The following DHRS7 variants were observed in gnomAD, a reference collection of about 807,000 sequenced individuals.
DHRS7 encodes dehydrogenase/reductase 7.
A neutral mutation model predicts 38.9 loss-of-function variants in DHRS7; 34 were observed. The ratio of observed to expected loss-of-function variants is 0.87; its 90% CI spans 0.66 to 1.16. The LOEUF (loss-of-function observed/expected upper bound fraction) is 1.16. Among genes scored for constraint, DHRS7 ranks in the 50% most tolerant of loss-of-function variants. The pLI, the probability that DHRS7 is intolerant of heterozygous loss-of-function variation, is 0.00. For missense variants in DHRS7, 421 were observed against 407.0 expected (o/e 1.03, Z -0.30); for synonymous variants, 158 against 153.1 (o/e 1.03, Z -0.24).
chr14:60,145,041 C>G lies in DHRS7; in HGVS notation c.973-28G>C, dbSNP rs1326968006. On this transcript the variant is annotated intron_variant, in intron 6 of 6. Coordinates refer to ENST00000557185, the MANE Select transcript of DHRS7 (RefSeq NM_016029.4). This position sits in a 1 kb window ranked among gnomAD's most constrained non-coding sequence, Gnocchi z 4.0. The stretch of plus-strand genomic sequence containing the variant: ...GTAAAAGAGGGACAGAAACATGGAT[C>G]AGTACCTACTCCTATTTACTCCAGT... The G allele has an allele frequency of 6.5e-7, 1 of 1,532,348 alleles. No homozygotes were observed. The highest frequency in any genetic ancestry group is 2.0e-5 in the Admixed American group (1 of 50,318). 94.9% of individuals were successfully genotyped at this position (1,532,348 alleles called of 1,614,324 possible). A position where few individuals can be genotyped will look rare whatever the true frequency, so the allele number is the denominator to read the frequency against.
At chr14:60,155,659 A>G (rs1420693168) in intron 2 of DHRS7, among the ~76,000 whole-genome samples, 3 of 152,196 alleles carry the variant, frequency 2.0e-5, no homozygotes, top group African/African-American at 4.8e-5. Context: ...CCTAATTTCT[A>G]TGATCAGATA....
upstream of DHRS7, chr14:60,165,742 C>T: frequency 1.1e-6 from 1 of 933,742 alleles, no homozygotes; most frequent in Non-Finnish European, 1.3e-6. This position sits in a 1 kb window ranked among gnomAD's most constrained non-coding sequence, Gnocchi z 4.6. Flanking sequence ...ATCATTCTTG[C>T]TTGGCCCCTC....
Position 60,150,194 on chromosome 14 carries a change from G to GAT in DHRS7, c.634-8_634-7insAT. 1 of 1,119,770 alleles carries GAT rather than the reference G, an allele frequency of 8.9e-7. No individual in the cohort carries two copies. The highest frequency in any genetic ancestry group is 2.0e-5 in the African/African-American group (1 of 50,428). 69.4% of individuals were successfully genotyped at this position (1,119,770 alleles called of 1,614,324 possible). On this transcript the variant is annotated splice_polypyrimidine_tract_variant and splice_region_variant and intron_variant, in intron 4 of 6. Coordinates refer to ENST00000557185, the MANE Select transcript of DHRS7 (RefSeq NM_016029.4). The stretch of plus-strand genomic sequence containing the variant: ...GAAGGCCATTAAAAAAACCCTAACA[G>GAT]ACAAAAAAAAAAAAAAAGGAAAAAG...
intron 4 of DHRS7, among the ~76,000 whole-genome samples, chr14:60,152,150 CA>C (rs1165318266): frequency 6.6e-6 from 1 of 152,210 alleles, no homozygotes; most frequent in African/African-American, 2.4e-5. Flanking sequence ...ATGATTCCAA[CA>C]GTGAAACATT....
At chr14:60,159,758 T>C (rs534809029) in intron 1 of DHRS7, among the ~76,000 whole-genome samples, 1 of 152,284 alleles carries the variant, frequency 6.6e-6, no homozygotes, top group East Asian at 1.9e-4. Flanking sequence ...GCTTCTTCCT[T>C]CCTATCTCCC....
chr14:60,145,307 C>T lies in DHRS7; in HGVS notation c.973-294G>A. ...GACTTTTCTGGATCAGCATATCATA[C>T]CTACACTGACTTGCCCTAATAAATA... is the stretch of plus-strand genomic sequence containing the variant. On this transcript the variant is annotated intron_variant, in intron 6 of 6. Coordinates refer to ENST00000557185, the MANE Select transcript of DHRS7 (RefSeq NM_016029.4). This position sits in a 1 kb window ranked among gnomAD's most constrained non-coding sequence, Gnocchi z 4.0. 4.4e-6 allele frequency: 1 copy of T among 226,220 alleles called. No individual in the cohort carries two copies. The highest frequency in any genetic ancestry group is 5.6e-5 in the Admixed American group (1 of 17,910). 14.0% of individuals were successfully genotyped at this position (226,220 alleles called of 1,614,324 possible).
At position 60,161,131 on chromosome 14, in the gene DHRS7, C is replaced by G. The variant is rs576083159; in HGVS notation, c.133+4046G>C. On this transcript the variant is annotated intron_variant, in intron 1 of 6. Transcript: ENST00000557185. The surrounding 1 kb of genome is among the most constrained non-coding windows in gnomAD (Gnocchi z 4.2). ...ACTCCTCTGTTTACAGAGTTTTAGTCACTTTTAACAATTTTTTAAAATTCA... is the reference window on the plus strand; with the variant it reads ...ACTCCTCTGTTTACAGAGTTTTAGTGACTTTTAACAATTTTTTAAAATTCA... Among the ~76,000 whole-genome samples, 1 of 152,198 alleles carries G rather than the reference C, an allele frequency of 6.6e-6. No individual in the cohort carries two copies. The highest frequency in any genetic ancestry group is 2.1e-4 in the South Asian group (1 of 4,814).
chr14:60,168,842 C>T, upstream of DHRS7: 1 of 1,426,186 alleles, frequency 7.0e-7, no homozygotes, highest in Non-Finnish European at 9.4e-7. Flanking sequence ...TCTTCATAAA[C>T]CAAAGCATAA....
intron 5 of DHRS7, 46 bp downstream of exon 5, chr14:60,150,019 A>G (rs201306023): frequency 1.3e-6 from 2 of 1,580,294 alleles, no homozygotes; most frequent in African/African-American, 1.4e-5. Context: ...TAATGCCAAT[A>G]TATAACTAGT....
chr14:60,152,674 T>G (rs1387266739), intron 4 of DHRS7: 1 of 471,190 alleles, frequency 2.1e-6, no homozygotes, highest in African/African-American at 1.9e-5. Flanking sequence ...AGACCACATC[T>G]TATTATCTTT....
rs571041832 is a variant in DHRS7, at chr14:60,158,622, T to A, written c.134-2470A>T. Among the ~76,000 whole-genome samples the A allele has an allele frequency of 6.6e-5, 10 of 152,328 alleles. No individual in the cohort carries two copies. In the South Asian group the frequency reaches 1.0e-3, roughly 16 times the overall value. On this transcript the variant is annotated intron_variant, in intron 1 of 6. Transcript: ENST00000557185. ...TTCCTCCCACCCTGAAGAAACTTTT[T>A]TATTTAGCACCGTTTGTTTCCCGAT...
rs1041991680 is a variant in DHRS7 at position 60,161,004 on chromosome 14, T to G, written c.133+4173A>C. On this transcript the variant is annotated intron_variant, in intron 1 of 6. Coordinates refer to ENST00000557185, the MANE Select transcript of DHRS7 (RefSeq NM_016029.4). The surrounding 1 kb of genome is among the most constrained non-coding windows in gnomAD (Gnocchi z 4.2). ...TTTTGCAAAATTCCTTAAGAATGTATTAGTATCAGAACTGTGAAAAATGGG... is the reference window on the plus strand; with the variant it reads ...TTTTGCAAAATTCCTTAAGAATGTAGTAGTATCAGAACTGTGAAAAATGGG... Among the ~76,000 whole-genome samples, 4 of 152,192 alleles carry G rather than the reference T, an allele frequency of 2.6e-5. No individual in the cohort carries two copies. The highest frequency in any genetic ancestry group is 9.7e-5 in the African/African-American group (4 of 41,444).
chr14:60,161,018 G>A lies in DHRS7; in HGVS notation c.133+4159C>T, dbSNP rs1896755200. ...TTAAGAATGTATTAGTATCAGAACT[G>A]TGAAAAATGGGAGTTTCAGATGTAC... is the stretch of plus-strand genomic sequence containing the variant. On this transcript the variant is annotated intron_variant, in intron 1 of 6. Coordinates refer to ENST00000557185, the MANE Select transcript of DHRS7 (RefSeq NM_016029.4). This position sits in a 1 kb window ranked among gnomAD's most constrained non-coding sequence, Gnocchi z 4.2. Among the ~76,000 whole-genome samples the A allele has an allele frequency of 6.6e-6, 1 of 152,170 alleles. No homozygotes were observed. Among genetic ancestry groups the A allele is most frequent in the Non-Finnish European group, 1.5e-5 (1 of 68,034 alleles).
chr14:60,160,354 T>A (rs552556988), intron 1 of DHRS7, among the ~76,000 whole-genome samples: 4 of 151,456 alleles, frequency 2.6e-5, no homozygotes, highest in African/African-American at 9.7e-5. Flanking sequence ...TTTTTTTTTT[T>A]TTTTTTTACA....
upstream of DHRS7, among the ~76,000 whole-genome samples, chr14:60,168,276 G>A (rs991088970): frequency 2.6e-5 from 4 of 152,134 alleles, no homozygotes; most frequent in African/African-American, 9.7e-5. Flanking sequence ...TTAAACATAA[G>A]CAGTTTATAG....
Position 60,153,229 on chromosome 14 carries a change from G to C in DHRS7, c.394-51C>G, listed in dbSNP as rs866970511. ...GTGTTTGGGGGATGTCTTGTGGATA[G>C]ATTGATGGAATTCCTATGGATGGTT... On this transcript the variant is annotated intron_variant, in intron 3 of 6. Transcript: ENST00000557185. This position sits in a 1 kb window ranked among gnomAD's most constrained non-coding sequence, Gnocchi z 4.4. 2 of 1,598,824 alleles carry C rather than the reference G, an allele frequency of 1.3e-6. No homozygotes were observed. Among genetic ancestry groups the C allele is most frequent in the Middle Eastern group, 1.7e-4 (1 of 6,030 alleles).
rs1158019287 is a variant in DHRS7 at position 60,144,897 on chromosome 14, A to G, written c.*69T>C. The G allele has an allele frequency of 2.4e-6, 3 of 1,276,372 alleles. No individual in the cohort carries two copies. Among genetic ancestry groups the G allele is most frequent in the African/African-American group, 1.5e-5 (1 of 66,292 alleles). 79.1% of individuals were successfully genotyped at this position (1,276,372 alleles called of 1,614,324 possible). The stretch of plus-strand genomic sequence containing the variant: ...AATTAGTCTTTGATTATTCAGAAGC[A>G]TAAGAAGATTGCTGTTTTCATGTTT... On this transcript the variant is annotated 3_prime_UTR_variant, in exon 7 of 7. Coordinates refer to ENST00000557185, the MANE Select transcript of DHRS7 (RefSeq NM_016029.4).
rs751357225 is a variant in DHRS7, at chr14:60,165,350, C to G, written c.-41G>C. On this transcript the variant is annotated 5_prime_UTR_variant, in exon 1 of 7. Coordinates refer to ENST00000557185, the MANE Select transcript of DHRS7 (RefSeq NM_016029.4). This position sits in a 1 kb window ranked among gnomAD's most constrained non-coding sequence, Gnocchi z 4.6. Reference sequence around the variant, plus strand: ...CCAGCTCGGGGGGAAGAAGACGGCCCGCACCAGAGTCGCGTCGCTGCCCTG... The same window carrying G: ...CCAGCTCGGGGGGAAGAAGACGGCCGGCACCAGAGTCGCGTCGCTGCCCTG... 1.5e-5 allele frequency: 23 copies of G among 1,547,824 alleles called. No homozygotes were observed. Among genetic ancestry groups the G allele is most frequent in the Middle Eastern group, 1.8e-4 (1 of 5,460 alleles).
At chr14:60,150,209 AAAG>A in intron 4 of DHRS7, 22 bp from the exon 5 acceptor site, 2 of 1,511,530 alleles carry the variant, frequency 1.3e-6, no homozygotes, top group Non-Finnish European at 1.8e-6. Context: ...AAAAAAAAAA[AAAG>A]GAAAAAGGCA....
Sources: gnomAD v4.1 joint callset for allele counts (sites outside exome capture counted in the v4.1 genomes callset) on GRCh38, gnomAD v4.1.1 for gene constraint, Gnocchi (gnomAD v3.1) non-coding constraint, MANE v1.5 for transcripts, NCBI Gene and HGNC (gene_info 2026-07-23, HGNC 2026-07-21) for gene names.